The following SERGEF variants were observed in gnomAD, a reference collection of about 807,000 sequenced individuals.
SERGEF encodes the protein secretion-regulating guanine nucleotide exchange factor.
SERGEF carries 51 observed loss-of-function variants against 50.0 expected under a neutral mutation model. The observed-to-expected ratio is 1.02, with a 90% CI of 0.81 to 1.29. The LOEUF (loss-of-function observed/expected upper bound fraction) is 1.29. Ranked by LOEUF, SERGEF falls within the 50% of genes most tolerant of loss-of-function variation. The probability of loss-of-function intolerance (pLI) is 0.00; values close to 1 mark genes in which losing one functional copy is unlikely to be tolerated. For missense variants in SERGEF, 521 were observed against 557.0 expected, an observed-to-expected ratio of 0.94 and a Z score of 0.65; for synonymous variants, 205 against 212.4, an observed-to-expected ratio of 0.97 and a Z score of 0.30.
At chr11:17,796,405 C>T (rs566963747) in intron 10 of SERGEF, among the ~76,000 whole-genome samples, 2 of 152,246 alleles carry the variant, frequency 1.3e-5, no homozygotes, top group South Asian at 2.1e-4. Context: ...TGTTGAGAAG[C>T]GGGACCTTTA....
intron 10 of SERGEF, among the ~76,000 whole-genome samples, chr11:17,800,123 G>A (rs888477388): frequency 2.0e-5 from 3 of 152,018 alleles, no homozygotes; most frequent in African/African-American, 7.3e-5. Flanking sequence ...AAACTAATGG[G>A]TTAATACTTT....
intron 9 of SERGEF, among the ~76,000 whole-genome samples, chr11:17,882,758 A>G (rs1322572229): frequency 1.3e-5 from 2 of 152,162 alleles, no homozygotes; most frequent in African/African-American, 4.8e-5. Flanking sequence ...ATCCAGTCCA[A>G]TTGGAGACAG....
chr11:17,907,983 G>A (rs1294078851), intron 9 of SERGEF, among the ~76,000 whole-genome samples: 1 of 152,092 alleles, frequency 6.6e-6, no homozygotes, highest in Non-Finnish European at 1.5e-5. Context: ...CTGATATTCT[G>A]AACCTATTTA....
intron 9 of SERGEF, among the ~76,000 whole-genome samples, chr11:17,951,279 T>TA (rs1852769101): frequency 1.3e-5 from 2 of 152,228 alleles, no homozygotes; most frequent in Admixed American, 1.3e-4. Context: ...CAAACGCCCT[T>TA]ATATATACTA....
chr11:17,916,779 G>A (rs1852056409), intron 9 of SERGEF, among the ~76,000 whole-genome samples: 1 of 152,208 alleles, frequency 6.6e-6, no homozygotes, highest in African/African-American at 2.4e-5. Flanking sequence ...AAAAGGCAGA[G>A]AATACAAATA....
chr11:17,842,959 A>C (rs765079142), intron 10 of SERGEF, among the ~76,000 whole-genome samples: 1 of 152,190 alleles, frequency 6.6e-6, no homozygotes, highest in Non-Finnish European at 1.5e-5. Context: ...CTGAGAACCA[A>C]CCATATGAAA....
chr11:17,945,340 AG>A (rs1347223364), intron 9 of SERGEF, among the ~76,000 whole-genome samples: 1 of 152,392 alleles, frequency 6.6e-6, no homozygotes. Context: ...GGAACATAGA[AG>A]AATCTATGCT....
chr11:17,869,017 G>A (rs113481267), intron 10 of SERGEF, among the ~76,000 whole-genome samples: 12 of 152,236 alleles, frequency 7.9e-5, no homozygotes, highest in African/African-American at 2.9e-4. Flanking sequence ...TCAAACTCCT[G>A]GCCTTAAGTG....
intron 10 of SERGEF, among the ~76,000 whole-genome samples, chr11:17,858,677 A>G (rs1203164394): frequency 6.6e-6 from 1 of 152,152 alleles, no homozygotes; most frequent in African/African-American, 2.4e-5. Context: ...TTAGAATCTC[A>G]GCAGAAGACC....
chr11:18,008,197 TTAG>T, intron 1 of SERGEF, 121 bp from the exon 2 acceptor site: 1 of 997,516 alleles, frequency 1.0e-6, no homozygotes, highest in East Asian at 2.6e-5. Context: ...ATGAGATTTA[TTAG>T]GCTCATTCTT....
chr11:17,826,055 A>G (rs929085414), intron 10 of SERGEF, among the ~76,000 whole-genome samples: 3 of 152,306 alleles, frequency 2.0e-5, no homozygotes, highest in African/African-American at 7.2e-5. Context: ...ATGGGAATTA[A>G]CTACCAAAAC....
At position 17,887,197 on chromosome 11, in the gene SERGEF, G is replaced by A. The variant is rs75761488; in HGVS notation, c.1012-8953C>T. Among the ~76,000 whole-genome samples, 1,251 of 152,262 alleles carry A rather than the reference G, an allele frequency of 8.2e-3. 122 individuals are homozygous for A. The East Asian group carries it at 0.2, about 25-fold the overall frequency. Reference sequence around the variant, plus strand: ...TCAAGAAGGTTTAGGCTTTTGAGTTGCCTTGGGTTCTAAATGACTTTCCCA... The same window carrying A: ...TCAAGAAGGTTTAGGCTTTTGAGTTACCTTGGGTTCTAAATGACTTTCCCA... On this transcript the variant is annotated intron_variant, in intron 9 of 10. Transcript: ENST00000265965.
rs1001384361 is a variant in SERGEF, at chr11:17,991,054, T to C, written c.685+1877A>G. On this transcript the variant is annotated intron_variant, in intron 7 of 10. Coordinates refer to ENST00000265965, the MANE Select transcript of SERGEF (RefSeq NM_012139.4). This position sits in a 1 kb window ranked among gnomAD's most constrained non-coding sequence, Gnocchi z 4.9. ...ATTCCATCTGCCTCAGCCTCCAAAGTGCTGGGATTACAGGTGTGAGCCACA... is the reference window on the plus strand; with the variant it reads ...ATTCCATCTGCCTCAGCCTCCAAAGCGCTGGGATTACAGGTGTGAGCCACA... Among the ~76,000 whole-genome samples the C allele has an allele frequency of 1.3e-5, 2 of 152,146 alleles. No homozygotes were observed. The highest frequency in any genetic ancestry group is 4.8e-5 in the African/African-American group (2 of 41,430).
At chr11:17,818,299 T>A (rs1850017601) in intron 10 of SERGEF, among the ~76,000 whole-genome samples, 1 of 152,182 alleles carries the variant, frequency 6.6e-6, no homozygotes, top group African/African-American at 2.4e-5. Context: ...AGAGTTTCAA[T>A]TTGCTTGTCT....
At chr11:17,802,265 C>T (rs745315243) in intron 10 of SERGEF, among the ~76,000 whole-genome samples, 6 of 152,178 alleles carry the variant, frequency 3.9e-5, no homozygotes, top group Admixed American at 3.3e-4. Context: ...TGAGGCAGCC[C>T]TGAAAGACCC....
intron 9 of SERGEF, among the ~76,000 whole-genome samples, chr11:17,908,908 A>T (rs1199204191): frequency 3.9e-5 from 6 of 152,248 alleles, no homozygotes; most frequent in Non-Finnish European, 7.3e-5. Flanking sequence ...AAGCCACAGA[A>T]GAATCTCAGG....
intron 9 of SERGEF, among the ~76,000 whole-genome samples, chr11:17,949,562 T>C (rs778152524): frequency 3.3e-5 from 5 of 152,034 alleles, no homozygotes; most frequent in Non-Finnish European, 5.9e-5. Flanking sequence ...CTGCTCAGCA[T>C]AGGGTTTTTG....
intron 10 of SERGEF, chr11:17,854,679 T>G (rs1590157936): frequency 6.6e-6 from 1 of 152,212 alleles, no homozygotes; most frequent in African/African-American, 2.4e-5. Context: ...CCAAAATATC[T>G]TAATTTGCAT....
chr11:17,932,635 T>C (rs1461492718), intron 9 of SERGEF, among the ~76,000 whole-genome samples: 1 of 151,480 alleles, frequency 6.6e-6, no homozygotes, highest in Non-Finnish European at 1.5e-5. Context: ...AATGAAGGAA[T>C]ATTGAAACAT....
Sources: allele counts gnomAD v4.1 joint callset (sites outside exome capture counted in the v4.1 genomes callset), GRCh38; gene constraint gnomAD v4.1.1; non-coding constraint Gnocchi (gnomAD v3.1); transcripts MANE v1.5; gene names NCBI Gene and HGNC (gene_info 2026-07-23, HGNC 2026-07-21).